Variants in COL28A1 observed in about 807,000 individuals in gnomAD.
The protein encoded by COL28A1 is collagen type XXVIII alpha 1 chain, also known as collagen alpha-1(XXVIII) chain.
A neutral mutation model predicts 150.2 loss-of-function variants in COL28A1; 161 were observed. The ratio of observed to expected loss-of-function variants is 1.07; its 90% confidence interval spans 0.94 to 1.22. The LOEUF is 1.22. COL28A1 is among the 50% of genes most tolerant of loss of function. The pLI is 0.00. For synonymous variants in COL28A1, 552 were observed against 469.7 expected, an observed-to-expected ratio of 1.18 and a Z score of -2.26; for missense variants, 1,617 against 1,388.3, an observed-to-expected ratio of 1.16 and a Z score of -2.62.
At chr7:7,441,047 C>T (rs967550917) in intron 20 of COL28A1, among the ~76,000 whole-genome samples, 186 bp from the exon 21 acceptor site, 11 of 152,194 alleles carry the variant, frequency 7.2e-5, no homozygotes, top group African/African-American at 1.9e-4. Flanking sequence ...TCAGATTGTT[C>T]AGCCTTTACT....
chr7:7,533,284 G>A (rs1412754138), intron 1 of COL28A1, among the ~76,000 whole-genome samples: 2 of 152,046 alleles, frequency 1.3e-5, no homozygotes, highest in Non-Finnish European at 2.9e-5. Context: ...TCTTCAGGGG[G>A]AATTCAGATT....
At chr7:7,533,687 T>C (rs1469473968) in intron 1 of COL28A1, among the ~76,000 whole-genome samples, 1 of 152,116 alleles carries the variant, frequency 6.6e-6, no homozygotes, top group African/African-American at 2.4e-5. Context: ...TCTGGGTGGA[T>C]TAACAACGAA....
Position 7,390,002 on chromosome 7 carries a change from G to A in COL28A1, c.2137-8390C>T, listed in dbSNP as rs148171462. The stretch of plus-strand genomic sequence containing the variant: ...CTTTATTTCTTTCTCTTGACTGATT[G>A]CCTTGGCCAGAACTTCCAATACTAT... On this transcript the variant is annotated intron_variant, in intron 27 of 34. Coordinates refer to ENST00000399429, the MANE Select transcript of COL28A1 (RefSeq NM_001037763.3). Among the ~76,000 whole-genome samples, 239 of 152,180 alleles carry A rather than the reference G, an allele frequency of 1.6e-3. 1 individual carries two copies. Among genetic ancestry groups the A allele is most frequent in the Admixed American group, 0.011 (165 of 15,278 alleles).
At chr7:7,421,067 C>T (rs1437233213) in intron 25 of COL28A1, among the ~76,000 whole-genome samples, 1 of 152,160 alleles carries the variant, frequency 6.6e-6, no homozygotes, top group African/African-American at 2.4e-5. Context: ...TATACATAAT[C>T]ATCCAAAACT....
At chr7:7,428,711 G>A (rs1393152297) in intron 25 of COL28A1, among the ~76,000 whole-genome samples, 2 of 152,202 alleles carry the variant, frequency 1.3e-5, no homozygotes, top group Non-Finnish European at 2.9e-5. Context: ...CACTGGATGA[G>A]CACTTCCCAC....
At chr7:7,438,676 CATAA>C (rs1479957775) in intron 21 of COL28A1, among the ~76,000 whole-genome samples, 1 of 101,978 alleles carries the variant, frequency 9.8e-6, no homozygotes. Context: ...TATATAAATT[CATAA>C]CATATTAGTA....
At position 7,436,483 on chromosome 7, in the gene COL28A1, T is replaced by C. The variant is rs1224986662; in HGVS notation, c.1792-20A>G. 5 of 1,102,838 alleles carry C rather than the reference T, an allele frequency of 4.5e-6. No individual in the cohort carries two copies. The highest frequency in any genetic ancestry group is 1.2e-5 in the South Asian group (1 of 80,754). 68.3% of individuals were successfully genotyped at this position (1,102,838 alleles called of 1,614,324 possible). A position where few individuals can be genotyped will look rare whatever the true frequency, so the allele number is the denominator to read the frequency against. ...ATCTCCCTGTACATTTCAAATAACATTTCACAGGCTACAGTTGTGCGAGAA... is the reference window on the plus strand; with the variant it reads ...ATCTCCCTGTACATTTCAAATAACACTTCACAGGCTACAGTTGTGCGAGAA... On this transcript the variant is annotated intron_variant, in intron 22 of 34. Transcript: ENST00000399429.
the COL28A1 span, among the ~76,000 whole-genome samples, chr7:7,338,682 T>C: frequency 5.3e-3 from 808 of 152,268 alleles, 9 homozygotes; most frequent in African/African-American, 0.019. Context: ...TTTTACTTCC[T>C]TCTCTTGCCT....
intron 26 of COL28A1, among the ~76,000 whole-genome samples, chr7:7,418,844 T>A (rs1211717767): frequency 2.6e-5 from 4 of 152,160 alleles, no homozygotes; most frequent in African/African-American, 9.7e-5. Flanking sequence ...CTTGGGGGGA[T>A]CTTCATCCAT....
chr7:7,353,222 C>T (rs1409370795), downstream of COL28A1, among the ~76,000 whole-genome samples: 1 of 152,214 alleles, frequency 6.6e-6, no homozygotes, highest in African/African-American at 2.4e-5. Context: ...CAATTCCACA[C>T]TGATAACATT....
chr7:7,478,866 C>G (rs147949399), intron 13 of COL28A1, among the ~76,000 whole-genome samples: 2 of 152,230 alleles, frequency 1.3e-5, no homozygotes, highest in African/African-American at 4.8e-5. Flanking sequence ...CATGCCCACC[C>G]GGAATTCTAG....
At chr7:7,355,540 G>A (rs1178264507), downstream of COL28A1, among the ~76,000 whole-genome samples, 5 of 152,124 alleles carry the variant, frequency 3.3e-5, no homozygotes, top group Admixed American at 6.5e-5. Context: ...AGTCCGGGAG[G>A]TGGAGGTTGC....
At chr7:7,501,792 T>C (rs951167612) in intron 11 of COL28A1, among the ~76,000 whole-genome samples, 5 of 152,208 alleles carry the variant, frequency 3.3e-5, no homozygotes, top group African/African-American at 9.6e-5. Flanking sequence ...CCTCAGAGCA[T>C]AGCGCTGTCT....
intron 27 of COL28A1, among the ~76,000 whole-genome samples, chr7:7,401,417 T>G (rs1164890092): frequency 6.6e-6 from 1 of 152,150 alleles, no homozygotes; most frequent in Non-Finnish European, 1.5e-5. Context: ...CCCAAATACC[T>G]ACTCGGCAGG....
At chr7:7,371,363 A>G (rs926269453) in intron 32 of COL28A1, among the ~76,000 whole-genome samples, 1 of 152,278 alleles carries the variant, frequency 6.6e-6, no homozygotes, top group African/African-American at 2.4e-5. Flanking sequence ...TGAATATATC[A>G]GATAAACAAA....
At chr7:7,410,238 T>C (rs1323007651) in intron 27 of COL28A1, among the ~76,000 whole-genome samples, 1 of 152,114 alleles carries the variant, frequency 6.6e-6, no homozygotes, top group Non-Finnish European at 1.5e-5. Flanking sequence ...ACCCAGGTAA[T>C]TGTTTACAAT....
intron 26 of COL28A1, among the ~76,000 whole-genome samples, chr7:7,419,567 C>A (rs552792392): frequency 1.3e-5 from 2 of 152,284 alleles, no homozygotes; most frequent in Non-Finnish European, 2.9e-5. Flanking sequence ...AAAAAAGCCA[C>A]CTGAGGCACC....
At chr7:7,456,257 A>G in intron 15 of COL28A1, 145 bp from the exon 16 acceptor site, 2 of 1,205,420 alleles carry the variant, frequency 1.7e-6, no homozygotes, top group Non-Finnish European at 2.2e-6. Flanking sequence ...ACTTTATTTT[A>G]TTCCTTTAAA....
intron 25 of COL28A1, chr7:7,431,718 A>C (rs1345812733): frequency 2.4e-6 from 1 of 422,926 alleles, no homozygotes; most frequent in African/African-American, 2.0e-5. Flanking sequence ...TTAAAAGACC[A>C]CTCTTCCTGC....
Sources: allele counts gnomAD v4.1 joint callset (sites outside exome capture counted in the v4.1 genomes callset), GRCh38; gene constraint gnomAD v4.1.1; transcripts MANE v1.5; gene names NCBI Gene and HGNC (gene_info 2026-07-23, HGNC 2026-07-21).